Variants in PECR observed in about 807,000 individuals in gnomAD.
PECR encodes 2,4-dienoyl-CoA reductase-related protein.
PECR carries 30 observed loss-of-function variants against 35.3 expected under a neutral mutation model. The observed-to-expected ratio is 0.85, with a 90% CI of 0.64 to 1.15. The LOEUF (loss-of-function observed/expected upper bound fraction) is 1.15. Among genes scored for constraint, PECR ranks in the 50% most tolerant of loss-of-function variants. The pLI is 0.00. For missense variants in PECR, 392 were observed against 370.8 expected (o/e 1.06, Z -0.47); for synonymous variants, 148 against 138.9 (o/e 1.07, Z -0.46).
intron 1 of PECR, among the ~76,000 whole-genome samples, chr2:216,074,885 G>A (rs568557277): frequency 6.6e-6 from 1 of 152,232 alleles, no homozygotes; most frequent in South Asian, 2.1e-4. Flanking sequence ...AAACCTAAAT[G>A]GCCATTCAGG....
At chr2:216,056,376 A>G (rs574115703) in intron 4 of PECR, among the ~76,000 whole-genome samples, 2 of 152,314 alleles carry the variant, frequency 1.3e-5, no homozygotes, top group East Asian at 3.9e-4. Flanking sequence ...TTAGCAAGTA[A>G]TAAGCAGCAA....
At chr2:216,066,317 G>A in intron 2 of PECR, 68 bp downstream of exon 2, 1 of 1,322,656 alleles carries the variant, frequency 7.6e-7, no homozygotes, top group Non-Finnish European at 1.1e-6. Context: ...CTGAAGCATA[G>A]CCAGGTTTAA....
In PECR at chr2:216,058,851, C is replaced by CA. The variant is rs1695279410; in HGVS notation, c.506+43dup. On this transcript the variant is annotated intron_variant, in intron 4 of 7. Coordinates refer to ENST00000265322, the MANE Select transcript of PECR (RefSeq NM_018441.6). The stretch of plus-strand genomic sequence containing the variant: ...TAACATGCTTCCCCCAATCAGAAGA[C>CA]AAAACTCAAAGACTTAGAAAGAAAA... The CA allele has an allele frequency of 2.7e-6, 3 of 1,116,726 alleles. No individual in the cohort carries two copies. The African/African-American group carries it at 4.6e-5, about 17-fold the overall frequency. The allele number at this position is 1,116,726 out of a possible 1,614,324, so 69.2% of individuals were successfully genotyped here.
intron 6 of PECR, 140 bp from the exon 7 acceptor site, chr2:216,044,155 C>A (rs1694949691): frequency 5.9e-6 from 4 of 672,698 alleles, no homozygotes; most frequent in Non-Finnish European, 1.1e-5. Flanking sequence ...ACCACAACCT[C>A]ACAGTACATA....
intron 4 of PECR, among the ~76,000 whole-genome samples, chr2:216,058,136 C>T (rs1005897630): frequency 1.3e-5 from 2 of 152,120 alleles, no homozygotes; most frequent in African/African-American, 2.4e-5. Context: ...AGGGCTTGCA[C>T]GACGGCTGCG....
At chr2:216,072,311 CA>C (rs1266530116) in intron 1 of PECR, among the ~76,000 whole-genome samples, 1 of 152,204 alleles carries the variant, frequency 6.6e-6, no homozygotes, top group East Asian at 1.9e-4. Context: ...GCACAGAGTA[CA>C]AAGGCTCTCC....
intron 3 of PECR, among the ~76,000 whole-genome samples, chr2:216,063,429 C>T (rs959790421): frequency 6.6e-6 from 1 of 151,926 alleles, no homozygotes; most frequent in African/African-American, 2.4e-5. Context: ...ACCATCCTGG[C>T]CAACATGGTG....
At chr2:216,034,280 A>C (rs773159407), downstream of PECR, among the ~76,000 whole-genome samples, 1 of 152,236 alleles carries the variant, frequency 6.6e-6, no homozygotes, top group African/African-American at 2.4e-5. Flanking sequence ...GAAACCCCTT[A>C]GACCTCCTGC....
rs1559203951 is a variant in PECR at position 216,031,534 on chromosome 2, AG to A, written c.*440+7656del. 8.0e-5 allele frequency among the ~76,000 whole-genome samples: 12 copies of A among 149,688 alleles called. No homozygotes were observed. The South Asian group carries it at 8.5e-4, about 11-fold the overall frequency. Reference sequence around the variant, plus strand: ...AAGGAAGGAAGGGAAAAGAAAAGAAAGAAGGAAGGAAGGAAAGAGGGAGGGA... The same window carrying A: ...AAGGAAGGAAGGGAAAAGAAAAGAAAAAGGAAGGAAGGAAAGAGGGAGGGA... On this transcript the variant is annotated intron_variant and NMD_transcript_variant, in intron 7 of 7. Transcript: ENST00000442122.
In PECR at chr2:216,044,035, T is replaced by C. The variant is rs773276921; in HGVS notation, c.715-20A>G. On this transcript the variant is annotated intron_variant, in intron 6 of 7. Coordinates refer to ENST00000265322, the MANE Select transcript of PECR (RefSeq NM_018441.6). ...GGAGACCTGGAAACAGAAACACACA[T>C]GTGCATAGGTAAAAGCAAATACTCC... The C allele has an allele frequency of 7.6e-7, 1 of 1,320,428 alleles. No individual in the cohort carries two copies. 81.8% of individuals were successfully genotyped at this position (1,320,428 alleles called of 1,614,324 possible).
intron 7 of PECR, among the ~76,000 whole-genome samples, chr2:216,029,408 G>A (rs1694645919): frequency 6.6e-6 from 1 of 152,294 alleles, no homozygotes; most frequent in South Asian, 2.1e-4. Context: ...AACCTGGGAG[G>A]TAGAGGTTGC....
Position 216,072,082 on chromosome 2 carries a change from T to C in PECR, c.125-5564A>G, listed in dbSNP as rs558579673. ...GTCTCACTGTGTTGCCCAGGCTGGA[T>C]TGCAGTGGTTTTTCAGTGTTAAATT... On this transcript the variant is annotated intron_variant, in intron 1 of 7. Transcript: ENST00000265322. Among the ~76,000 whole-genome samples, 8 of 152,324 alleles carry C rather than the reference T, an allele frequency of 5.3e-5. No individual in the cohort carries two copies. The South Asian group carries it at 6.2e-4, about 12-fold the overall frequency.
intron 7 of PECR, among the ~76,000 whole-genome samples, chr2:216,040,356 G>A (rs979939676): frequency 2.6e-5 from 4 of 152,152 alleles, no homozygotes; most frequent in East Asian, 1.9e-4. Context: ...TCGACTTCCC[G>A]GGCTCCAGTG....
Position 216,031,691 on chromosome 2 carries a change from GAGAA to G in PECR, c.*440+7496_*440+7499del, listed in dbSNP as rs1395273679. 1.1e-3 allele frequency among the ~76,000 whole-genome samples: 66 copies of G among 61,160 alleles called. 3 individuals carry two copies. Among genetic ancestry groups the G allele is most frequent in the East Asian group, 1.3e-3 (2 of 1,600 alleles). 40.1% of individuals were successfully genotyped at this position (61,160 alleles called of 152,430 possible). On this transcript the variant is annotated intron_variant and NMD_transcript_variant, in intron 7 of 7. Coordinates refer to the PECR transcript ENST00000442122. ...AGAAAGAAAGAAAGAAAGAAAGAAA[GAGAA>G]AGAAAGAAAGAAAGAAAGGGAAATG...
At chr2:216,079,838 T>G (rs1695793846) in intron 1 of PECR, among the ~76,000 whole-genome samples, 1 of 148,822 alleles carries the variant, frequency 6.7e-6, no homozygotes, top group African/African-American at 2.4e-5. Context: ...AAAATTAGCC[T>G]AGCAAGGTAG....
chr2:216,042,992 CATACGTAT>C (rs1240849899), intron 7 of PECR, among the ~76,000 whole-genome samples: 1 of 116,002 alleles, frequency 8.6e-6, no homozygotes, highest in Non-Finnish European at 1.8e-5. Context: ...TATATATATA[CATACGTAT>C]ATGTGTATAT....
chr2:216,075,087 T>C (rs1695670553), intron 1 of PECR, among the ~76,000 whole-genome samples: 3 of 152,034 alleles, frequency 2.0e-5, no homozygotes, highest in Admixed American at 2.0e-4. Flanking sequence ...AAGACCATCC[T>C]GGATGAGACC....
At position 216,042,949 on chromosome 2, in the gene PECR, G is replaced by A. The variant is rs995603110; in HGVS notation, c.826+955C>T. On this transcript the variant is annotated intron_variant, in intron 7 of 7. Transcript: ENST00000265322. ...CTGTTATATATATACATACGTATATGTGTATATATATATACACATACGTAT... is the reference window on the plus strand; with the variant it reads ...CTGTTATATATATACATACGTATATATGTATATATATATACACATACGTAT... 5.0e-4 allele frequency among the ~76,000 whole-genome samples: 63 copies of A among 126,856 alleles called. 1 individual carries two copies. The highest frequency in any genetic ancestry group is 1.8e-3 in the African/African-American group (62 of 33,944). 83.2% of individuals were successfully genotyped at this position (126,856 alleles called of 152,430 possible).
At chr2:216,060,340 A>G (rs973969138) in intron 3 of PECR, among the ~76,000 whole-genome samples, 6 of 152,142 alleles carry the variant, frequency 3.9e-5, no homozygotes, top group African/African-American at 1.2e-4. Context: ...AGTAGTGAAC[A>G]CATGTAGTAC....
Sources: gnomAD v4.1 joint callset for allele counts (sites outside exome capture counted in the v4.1 genomes callset) on GRCh38, gnomAD v4.1.1 for gene constraint, MANE v1.5 for transcripts, NCBI Gene and HGNC (gene_info 2026-07-23, HGNC 2026-07-21) for gene names.